NUBPL: variants seen among roughly 807,000 people sequenced by gnomAD.
NUBPL encodes the protein iron-sulfur cluster transfer protein NUBPL.
NUBPL carries 31 observed loss-of-function variants against 45.7 expected under a neutral mutation model. The observed-to-expected ratio is 0.68, with a 90% CI of 0.51 to 0.92. The LOEUF is 0.92. NUBPL is among the 40% of genes least tolerant of loss of function. The pLI is 0.00. For missense variants in NUBPL, 401 were observed against 398.7 expected (o/e 1.01, Z -0.05); for synonymous variants, 144 against 140.9 (o/e 1.02, Z -0.15).
chr14:31,723,985 A>G (rs1412866272), intron 6 of NUBPL, among the ~76,000 whole-genome samples: 1 of 152,158 alleles, frequency 6.6e-6, no homozygotes, highest in African/African-American at 2.4e-5. Context: ...ACTAAGTTGA[A>G]TAGGAGTGGT....
intron 4 of NUBPL, among the ~76,000 whole-genome samples, chr14:31,646,039 T>A (rs1337138208): frequency 1.3e-5 from 2 of 152,148 alleles, no homozygotes; most frequent in Non-Finnish European, 1.5e-5. Context: ...ATTGAAGAAC[T>A]CCCTTTAGGA....
intron 4 of NUBPL, among the ~76,000 whole-genome samples, chr14:31,640,880 C>G (rs1329897207): frequency 6.6e-6 from 1 of 152,070 alleles, no homozygotes; most frequent in Non-Finnish European, 1.5e-5. Flanking sequence ...AGCTATTGTA[C>G]AATTGATTAA....
At chr14:31,629,624 C>G (rs2035291316) in intron 4 of NUBPL, among the ~76,000 whole-genome samples, 1 of 152,094 alleles carries the variant, frequency 6.6e-6, no homozygotes, top group East Asian at 1.9e-4. Context: ...TTTATGCTAT[C>G]ACATAATTGC....
At chr14:31,717,075 C>A (rs1178330769) in intron 6 of NUBPL, among the ~76,000 whole-genome samples, 2 of 152,072 alleles carry the variant, frequency 1.3e-5, no homozygotes, top group Non-Finnish European at 2.9e-5. Flanking sequence ...TGATTTATAC[C>A]CTTTTGTGGC....
intron 6 of NUBPL, among the ~76,000 whole-genome samples, chr14:31,724,363 A>G (rs1455154961): frequency 6.6e-6 from 1 of 152,200 alleles, no homozygotes; most frequent in African/African-American, 2.4e-5. Flanking sequence ...CGTAAGTTCT[A>G]TGAGGAGTGG....
At chr14:31,821,976 G>A (rs1425994710) in intron 7 of NUBPL, among the ~76,000 whole-genome samples, 1 of 152,122 alleles carries the variant, frequency 6.6e-6, no homozygotes, top group African/African-American at 2.4e-5. Flanking sequence ...TGTGGGATCT[G>A]AAATTAAAAC....
intron 8 of NUBPL, among the ~76,000 whole-genome samples, chr14:31,840,007 A>C (rs2040343058): frequency 1.3e-5 from 2 of 152,208 alleles, no homozygotes; most frequent in South Asian, 4.1e-4. Context: ...TTGGGTGGAA[A>C]TATAAATTAA....
intron 10 of NUBPL, among the ~76,000 whole-genome samples, chr14:31,853,081 T>TGTTTC (rs1309492729): frequency 1.0e-4 from 3 of 29,698 alleles, no homozygotes; most frequent in Non-Finnish European, 2.4e-4. Context: ...TGTTGTGTTG[T>TGTTTC]GTTTTGTTTT....
At chr14:31,742,136 T>C (rs893871234) in intron 6 of NUBPL, among the ~76,000 whole-genome samples, 2 of 151,862 alleles carry the variant, frequency 1.3e-5, no homozygotes, top group South Asian at 4.2e-4. Flanking sequence ...GACCCTAATT[T>C]ACCCAGAATT....
intron 6 of NUBPL, among the ~76,000 whole-genome samples, chr14:31,741,518 C>T (rs2038283744): frequency 6.6e-6 from 1 of 152,088 alleles, no homozygotes; most frequent in Non-Finnish European, 1.5e-5. Flanking sequence ...AGTACTCCTG[C>T]ATATTTCAAA....
Position 31,805,386 on chromosome 14 carries a change from A to G in NUBPL, c.607+17513A>G, listed in dbSNP as rs112504299. ...TCCTCAAAGAGCTAAAGACAGAACT[A>G]TCATTCAACCTAGCAGTCCCATTAC... On this transcript the variant is annotated intron_variant, in intron 7 of 10. Coordinates refer to ENST00000281081, the MANE Select transcript of NUBPL (RefSeq NM_025152.3). Among the ~76,000 whole-genome samples, 1,232 of 152,348 alleles carry G rather than the reference A, an allele frequency of 8.1e-3. 18 individuals are homozygous for G. The highest frequency in any genetic ancestry group is 0.026 in the African/African-American group (1,084 of 41,586).
intron 6 of NUBPL, among the ~76,000 whole-genome samples, chr14:31,737,215 C>G (rs1012165484): frequency 6.6e-6 from 1 of 152,148 alleles, no homozygotes; most frequent in Non-Finnish European, 1.5e-5. Context: ...TTTAAGAAGT[C>G]TTTTCTACCT....
intron 9 of NUBPL, among the ~76,000 whole-genome samples, chr14:31,848,266 G>A (rs1002789673): frequency 6.6e-6 from 1 of 152,164 alleles, no homozygotes; most frequent in Admixed American, 6.5e-5. Flanking sequence ...TGTAGTCATG[G>A]GTCCCATGGT....
chr14:31,616,848 A>G (rs1034342303), intron 4 of NUBPL, among the ~76,000 whole-genome samples: 1 of 152,170 alleles, frequency 6.6e-6, no homozygotes, highest in African/African-American at 2.4e-5. Flanking sequence ...CATTCAATCT[A>G]TAAATTACTT....
intron 7 of NUBPL, among the ~76,000 whole-genome samples, chr14:31,803,422 T>G (rs1432566150): frequency 1.3e-5 from 2 of 151,838 alleles, no homozygotes; most frequent in Non-Finnish European, 2.9e-5. Context: ...TGGATTTTAG[T>G]GCTGTGTTTC....
chr14:31,659,603 A>C (rs1281130924), intron 4 of NUBPL, among the ~76,000 whole-genome samples: 3 of 152,212 alleles, frequency 2.0e-5, no homozygotes, highest in African/African-American at 7.2e-5. Flanking sequence ...AAGTTTTAGA[A>C]GTGAGATACC....
chr14:31,763,316 A>G (rs2038851518), intron 6 of NUBPL, among the ~76,000 whole-genome samples: 1 of 152,200 alleles, frequency 6.6e-6, no homozygotes, highest in African/African-American at 2.4e-5. Context: ...AAGGTACTAA[A>G]GTAAATAAAA....
intron 6 of NUBPL, among the ~76,000 whole-genome samples, chr14:31,694,323 C>T (rs2037166371): frequency 4.6e-5 from 7 of 152,100 alleles, no homozygotes; most frequent in Admixed American, 4.6e-4. Flanking sequence ...TAACTAAAGT[C>T]CAGTTCTTTG....
chr14:31,672,273 ATGTGTGTGTG>A (rs3035682), intron 4 of NUBPL, among the ~76,000 whole-genome samples: 23 of 148,214 alleles, frequency 1.6e-4, no homozygotes, highest in African/African-American at 2.7e-4. Flanking sequence ...CTGATTAGAT[ATGTGTGTGTG>A]TGTGTGTGTG....
Sources: gnomAD v4.1 joint callset for allele counts (sites outside exome capture counted in the v4.1 genomes callset) on GRCh38, gnomAD v4.1.1 for gene constraint, MANE v1.5 for transcripts, NCBI Gene and HGNC (gene_info 2026-07-23, HGNC 2026-07-21) for gene names.